The following ENO2 variants were observed in gnomAD, a reference collection of about 807,000 sequenced individuals.
ENO2 encodes gamma-enolase.
A neutral mutation model predicts 48.7 loss-of-function variants in ENO2; 19 were observed. The ratio of observed to expected loss-of-function variants is 0.39; its 90% CI spans 0.27 to 0.57. ENO2 has a LOEUF of 0.57. Among genes scored for constraint, ENO2 ranks in the 20% least tolerant of loss-of-function variants. The pLI is 0.58. For synonymous variants in ENO2, 198 were observed against 213.4 expected, an observed-to-expected ratio of 0.93 and a Z score of 0.63; for missense variants, 416 against 555.0, an observed-to-expected ratio of 0.75 and a Z score of 2.52.
rs782089787 is a variant in ENO2 at position 6,922,397 on chromosome 12, C to T, written c.1230C>T (p.Leu410=). Reference sequence around the variant, plus strand: ...AACGTCTGGCTAAATACAACCAGCTCATGAGGTGAGGGTCCCTGGGGTGGG... The same window carrying T: ...AACGTCTGGCTAAATACAACCAGCTTATGAGGTGAGGGTCCCTGGGGTGGG... ...RSERLAKYNQ[L]MRIEEELGDE... The change falls in exon 11 of 12, where the codon CTC becomes CTT. Residue 410 remains leucine, a synonymous_variant. Transcript: ENST00000229277. The surrounding 1 kb of genome is among the most constrained non-coding windows in gnomAD (Gnocchi z 5.3). 1.1e-5 allele frequency: 18 copies of T among 1,614,064 alleles called. No homozygotes were observed. In the South Asian group the frequency reaches 1.6e-4, roughly 15 times the overall value.
At position 6,917,441 on chromosome 12, in the gene ENO2, G is replaced by A; in HGVS notation, c.311-140G>A. On this transcript the variant is annotated intron_variant, in intron 5 of 11. Transcript: ENST00000229277. Reference sequence around the variant, plus strand: ...TCCCTGCTGTTTTCAAGAGAGCATGGATGAGGTGTTGCTGGGGCAGGGGTG... The same window carrying A: ...TCCCTGCTGTTTTCAAGAGAGCATGAATGAGGTGTTGCTGGGGCAGGGGTG... The A allele has an allele frequency of 2.5e-6, 3 of 1,179,776 alleles. No individual in the cohort carries two copies. The South Asian group carries it at 4.6e-5, about 18-fold the overall frequency. The allele number at this position is 1,179,776 out of a possible 1,614,324, so 73.1% of individuals were successfully genotyped here. A position where few individuals can be genotyped will look rare whatever the true frequency, so the allele number is the denominator to read the frequency against.
Position 6,916,335 on chromosome 12 carries a change from G to A in ENO2, c.86-82G>A. The A allele has an allele frequency of 7.6e-7, 1 of 1,321,386 alleles. No individual in the cohort carries two copies. Among genetic ancestry groups the A allele is most frequent in the South Asian group, 1.3e-5 (1 of 74,490 alleles). The allele number at this position is 1,321,386 out of a possible 1,614,324, so 81.9% of individuals were successfully genotyped here. On this transcript the variant is annotated intron_variant, in intron 2 of 11. Coordinates refer to ENST00000229277, the MANE Select transcript of ENO2 (RefSeq NM_001975.3). This position sits in a 1 kb window ranked among gnomAD's most constrained non-coding sequence, Gnocchi z 4.5. ...GGGAGAGAGCTAGATGTGGTAGGCA[G>A]GCAGTTTAGAGCCAGAAGGCTGAAG...
intron 8 of ENO2, among the ~76,000 whole-genome samples, chr12:6,920,238 GAC>G (rs1469942072): frequency 6.6e-6 from 1 of 152,016 alleles, no homozygotes; most frequent in Non-Finnish European, 1.5e-5. Context: ...CCATCTTCCT[GAC>G]ACAGAGCGAA....
chr12:6,915,650 G>A, intron 1 of ENO2, 171 bp from the exon 2 acceptor site: 1 of 607,462 alleles, frequency 1.6e-6, no homozygotes, highest in Non-Finnish European at 3.0e-6. Context: ...CAGGGGGGAG[G>A]GGGAATCCCT....
At chr12:6,915,734 T>C in intron 1 of ENO2, 87 bp from the exon 2 acceptor site, 6 of 298,030 alleles carry the variant, frequency 2.0e-5, no homozygotes, top group East Asian at 1.2e-4. Context: ...TTCCCATCCC[T>C]CCCAGCCTCC....
In ENO2 at chr12:6,916,691, C is replaced by G. The variant is rs1555141641; in HGVS notation, c.202C>G (p.His68Asp). 1 of 1,614,074 alleles carries G rather than the reference C, an allele frequency of 6.2e-7. No homozygotes were observed. The highest frequency in any genetic ancestry group is 1.3e-5 in the African/African-American group (1 of 74,928). The stretch of plus-strand genomic sequence containing the variant: ...CCCAGGTGTCCTGAAGGCAGTGGAC[C>G]ACATCAACTCCACCATCGCGCCAGC... ...LGKGVLKAVD[H>D]INSTIAPALI... is the part of the protein sequence containing the mutation. The change falls in exon 4 of 12, where the codon CAC becomes GAC. Residue 68 changes from histidine (H) to aspartate (D), a missense_variant. Coordinates refer to ENST00000229277, the MANE Select transcript of ENO2 (RefSeq NM_001975.3). This position sits in a 1 kb window ranked among gnomAD's most constrained non-coding sequence, Gnocchi z 4.5.
rs1321675032 is a variant in ENO2, at chr12:6,923,314, T to C, written c.*514T>C. ...TATTTATTTATTTATTTATTTTATT[T>C]GTTTTTCATTCATCCCATTAATCAT... On this transcript the variant is annotated 3_prime_UTR_variant, in exon 12 of 12. Transcript: ENST00000229277. 5 of 152,254 alleles carry C rather than the reference T, an allele frequency of 3.3e-5. No individual in the cohort carries two copies. Among genetic ancestry groups the C allele is most frequent in the African/African-American group, 1.2e-4 (5 of 41,398 alleles). The allele number at this position is 152,254 out of a possible 1,614,324, so 9.4% of individuals were successfully genotyped here.
Position 6,922,445 on chromosome 12 carries a change from A to C in ENO2, c.1235+43A>C. The C allele has an allele frequency of 6.2e-7, 1 of 1,612,108 alleles. No individual in the cohort carries two copies. Among genetic ancestry groups the C allele is most frequent in the Non-Finnish European group, 8.5e-7 (1 of 1,178,414 alleles). On this transcript the variant is annotated intron_variant, in intron 11 of 11. Coordinates refer to ENST00000229277, the MANE Select transcript of ENO2 (RefSeq NM_001975.3). This position sits in a 1 kb window ranked among gnomAD's most constrained non-coding sequence, Gnocchi z 5.3. ...GGGAGCCCCTGGCCCAGATGGCTAA[A>C]GGCCCCATTTGCCTGCCAGACCATC...
chr12:6,922,714 T>C lies in ENO2; in HGVS notation c.1236-17T>C, dbSNP rs782359571. ...CCTGCATCCCTGACCACTTCCTTTG[T>C]GGTTCATCTCTCTCAGAATTGAGGA... On this transcript the variant is annotated splice_polypyrimidine_tract_variant and intron_variant, in intron 11 of 11. Transcript: ENST00000229277. The surrounding 1 kb of genome is among the most constrained non-coding windows in gnomAD (Gnocchi z 5.3). The C allele has an allele frequency of 6.2e-7, 1 of 1,614,056 alleles. No individual in the cohort carries two copies. Among genetic ancestry groups the C allele is most frequent in the African/African-American group, 1.3e-5 (1 of 75,028 alleles).
chr12:6,922,039 G>T lies in ENO2; in HGVS notation c.1068-17G>T, dbSNP rs1029730262. 2 of 1,613,892 alleles carry T rather than the reference G, an allele frequency of 1.2e-6. No individual in the cohort carries two copies. The highest frequency in any genetic ancestry group is 1.6e-4 in the Middle Eastern group (1 of 6,062). ...CCAGTGTGAGAGCTGGAGAATCAGT[G>T]CTGTGTGTGGATACAGGTGCAAGCT... On this transcript the variant is annotated splice_polypyrimidine_tract_variant and intron_variant, in intron 9 of 11. Coordinates refer to ENST00000229277, the MANE Select transcript of ENO2 (RefSeq NM_001975.3). The surrounding 1 kb of genome is among the most constrained non-coding windows in gnomAD (Gnocchi z 5.3).
At position 6,918,165 on chromosome 12, in the gene ENO2, G is replaced by C. The variant is rs782049993; in HGVS notation, c.667+3G>C. On this transcript the variant is annotated splice_donor_region_variant and intron_variant, in intron 7 of 11. Transcript: ENST00000229277. ...CAATATCCTGGAGAACAGTGAAGGT[G>C]AGGCCAGGAGCCCCACTCCCAGCTC... is the stretch of plus-strand genomic sequence containing the variant. The C allele has an allele frequency of 6.2e-7, 1 of 1,613,948 alleles. No homozygotes were observed. The highest frequency in any genetic ancestry group is 1.1e-5 in the South Asian group (1 of 91,080).
intron 1 of ENO2, 79 bp from the exon 2 acceptor site, chr12:6,915,742 T>TC: frequency 2.8e-6 from 1 of 355,200 alleles, no homozygotes; most frequent in East Asian, 1.1e-4. Flanking sequence ...CCTCCCAGCC[T>TC]CCCGCCCCGC....
In ENO2 at chr12:6,915,521, AC is replaced by A. The variant is rs1268264294; in HGVS notation, c.-12-298del. 17 of 334,020 alleles carry A rather than the reference AC, an allele frequency of 5.1e-5. 1 individual carries two copies. The highest frequency in any genetic ancestry group is 3.3e-4 in the African/African-American group (16 of 48,186). 20.7% of individuals were successfully genotyped at this position (334,020 alleles called of 1,614,324 possible). A position where few individuals can be genotyped will look rare whatever the true frequency, so the allele number is the denominator to read the frequency against. ...GGCCAAGCTGCAAAGAGGCGCGGGA[AC>A]CACTGTCGTGCCCCTCCCCTCCTCA... On this transcript the variant is annotated intron_variant, in intron 1 of 11. Coordinates refer to ENST00000229277, the MANE Select transcript of ENO2 (RefSeq NM_001975.3).
chr12:6,923,058 A>T lies in ENO2; in HGVS notation c.*258A>T. ...TTTCTCTCTTCCCTCAGAAACTAGA[A>T]ATGTGAATGAGGATTATTATAAAAG... On this transcript the variant is annotated 3_prime_UTR_variant, in exon 12 of 12. Transcript: ENST00000229277. 1 of 462,978 alleles carries T rather than the reference A, an allele frequency of 2.2e-6. No homozygotes were observed. 28.7% of individuals were successfully genotyped at this position (462,978 alleles called of 1,614,324 possible).
chr12:6,917,743 C>A, intron 6 of ENO2, 29 bp downstream of exon 6: 1 of 1,609,166 alleles, frequency 6.2e-7, no homozygotes, highest in South Asian at 1.1e-5. Flanking sequence ...TGCGGCTCTC[C>A]CAGGGGCGGG....
intron 7 of ENO2, 73 bp from the exon 8 acceptor site, chr12:6,919,493 G>A: frequency 6.5e-7 from 1 of 1,546,318 alleles, no homozygotes; most frequent in Non-Finnish European, 8.9e-7. Context: ...TGCCCTGAAT[G>A]TCTTTTCTTT....
intron 1 of ENO2, 124 bp from the exon 2 acceptor site, chr12:6,915,697 C>CA: frequency 3.5e-6 from 1 of 289,602 alleles, no homozygotes; most frequent in Non-Finnish European, 7.1e-6. Context: ...CCTCCCTACC[C>CA]ACCCCCCACC....
In ENO2 at chr12:6,916,942, C is replaced by T; in HGVS notation, c.241-96C>T. Reference sequence around the variant, plus strand: ...CCCTGTCACAGGGACCTGGTTGGACCCTGGCCAAATGTGAGCTTGGGTGTG... The same window carrying T: ...CCCTGTCACAGGGACCTGGTTGGACTCTGGCCAAATGTGAGCTTGGGTGTG... On this transcript the variant is annotated intron_variant, in intron 4 of 11. Transcript: ENST00000229277. This position sits in a 1 kb window ranked among gnomAD's most constrained non-coding sequence, Gnocchi z 4.5. The T allele has an allele frequency of 1.3e-6, 2 of 1,563,852 alleles. No individual in the cohort carries two copies. Among genetic ancestry groups the T allele is most frequent in the Non-Finnish European group, 1.8e-6 (2 of 1,140,358 alleles).
chr12:6,917,694 G>T lies in ENO2; in HGVS notation c.424G>T (p.Asp142Tyr). 6.9e-7 allele frequency: 1 copy of T among 1,455,164 alleles called. No individual in the cohort carries two copies. Among genetic ancestry groups the T allele is most frequent in the Non-Finnish European group, 9.2e-7 (1 of 1,081,110 alleles). The allele number at this position is 1,455,164 out of a possible 1,614,324, so 90.1% of individuals were successfully genotyped here. A position where few individuals can be genotyped will look rare whatever the true frequency, so the allele number is the denominator to read the frequency against. The change falls in exon 6 of 12, where the codon GAC (aspartate) becomes TAC (tyrosine). Residue 142 changes from aspartate (D) to tyrosine (Y), a missense_variant. Asp to Tyr is a radical substitution (Grantham distance 160). Transcript: ENST00000229277. ...CATTGCTCAGCTGGCCGGGAACTCA[G>T]ACCTCATCCTGCCTGTGCCGGTGAG... ...RHIAQLAGNS[D>Y]LILPVPAFNV... is the part of the protein sequence containing the mutation.
Sources: allele counts gnomAD v4.1 joint callset (sites outside exome capture counted in the v4.1 genomes callset), GRCh38; gene constraint gnomAD v4.1.1; non-coding constraint Gnocchi (gnomAD v3.1); transcripts MANE v1.5; gene names NCBI Gene and HGNC (gene_info 2026-07-23, HGNC 2026-07-21).